The following EPRS1 variants were observed in gnomAD, a reference collection of about 807,000 sequenced individuals.
EPRS1 encodes the protein bifunctional glutamate/proline--tRNA ligase.
In EPRS1, 107 loss-of-function variants were observed where a neutral mutation model predicts 188.3. The observed-to-expected ratio is 0.57, with a 90% CI of 0.49 to 0.67. The LOEUF is 0.67. Ranked by LOEUF, EPRS1 falls within the 30% of genes least tolerant of loss-of-function variation. The pLI is 0.00. For synonymous variants in EPRS1, 596 were observed against 593.1 expected, an observed-to-expected ratio of 1.00 and a Z score of -0.07; for missense variants, 1,577 against 1,802.2, an observed-to-expected ratio of 0.88 and a Z score of 2.26.
chr1:220,042,838 A>G (rs1485641046), intron 1 of EPRS1, among the ~76,000 whole-genome samples: 4 of 151,886 alleles, frequency 2.6e-5, no homozygotes, highest in African/African-American at 9.7e-5. Context: ...GGAGGATCAC[A>G]TGAAACTGGG....
Position 219,988,790 on chromosome 1 carries a change from A to T in EPRS1, c.2575T>A (p.Ser859Thr), listed in dbSNP as rs141685068. Residue 859 changes from serine to threonine, a missense_variant, in exon 19 of 32, where the codon TCC becomes ACC. Physicochemically the swap from Ser to Thr is moderately conservative, Grantham distance 58. Coordinates refer to ENST00000366923, the MANE Select transcript of EPRS1 (RefSeq NM_004446.3). Reference sequence around the variant, plus strand: ...TTTTCTTTATACTGAGCCTTCAGGGACAGTAAGCATTCTACAGCTTCATTT... The same window carrying T: ...TTTTCTTTATACTGAGCCTTCAGGGTCAGTAAGCATTCTACAGCTTCATTT... ...KINEAVECLL[S>T]LKAQYKEKTG... The T allele has an allele frequency of 1.9e-4, 305 of 1,610,386 alleles. 1 individual carries two copies. In the African/African-American group the frequency reaches 3.4e-3, roughly 18 times the overall value.
chr1:219,986,574 T>C (rs1661009972), intron 20 of EPRS1, among the ~76,000 whole-genome samples: 1 of 152,178 alleles, frequency 6.6e-6, no homozygotes, highest in South Asian at 2.1e-4. Flanking sequence ...TTTATACAGA[T>C]TGGAAGATCC....
chr1:220,038,561 T>C (rs561729005), intron 2 of EPRS1, among the ~76,000 whole-genome samples: 90 of 151,570 alleles, frequency 5.9e-4, no homozygotes, highest in African/African-American at 2.0e-3. Context: ...CTTTTTTTTG[T>C]AGAGACAGGA....
intron 19 of EPRS1, 65 bp downstream of exon 19, chr1:219,988,525 T>C: frequency 1.8e-6 from 2 of 1,093,688 alleles, no homozygotes; most frequent in South Asian, 1.4e-5. Context: ...CACAAAACAC[T>C]TGAGGCAAAG....
At chr1:220,038,177 G>C (rs1256270245) in intron 2 of EPRS1, among the ~76,000 whole-genome samples, 1 of 151,424 alleles carries the variant, frequency 6.6e-6, no homozygotes. Context: ...CCACCTCCCG[G>C]GTTCAAGCGA....
Position 220,030,380 on chromosome 1 carries a change from T to A in EPRS1, c.623+6A>T, listed in dbSNP as rs376359550. On this transcript the variant is annotated splice_donor_region_variant and intron_variant, in intron 6 of 31. Coordinates refer to ENST00000366923, the MANE Select transcript of EPRS1 (RefSeq NM_004446.3). ...TCAATTATAAATGTGAGTTACATTTTCTTACCCACTGGCCTCTGGAGGAAA... is the reference window on the plus strand; with the variant it reads ...TCAATTATAAATGTGAGTTACATTTACTTACCCACTGGCCTCTGGAGGAAA... 4.1e-5 allele frequency: 65 copies of A among 1,595,128 alleles called. No homozygotes were observed. The highest frequency in any genetic ancestry group is 5.6e-5 in the Non-Finnish European group (65 of 1,162,910).
At chr1:219,990,206 T>C (rs1027265752) in intron 18 of EPRS1, among the ~76,000 whole-genome samples, 2 of 151,980 alleles carry the variant, frequency 1.3e-5, no homozygotes, top group African/African-American at 2.4e-5. Context: ...AACCACTCTG[T>C]TATTCAATGA....
At chr1:219,996,906 TA>T (rs1661245619) in intron 18 of EPRS1, 76 bp downstream of exon 18, 4 of 1,403,412 alleles carry the variant, frequency 2.9e-6, no homozygotes, top group African/African-American at 2.9e-5. Context: ...CGATGTTTTA[TA>T]AGAAGATGAG....
chr1:220,003,930 G>A (rs568242100), intron 16 of EPRS1, among the ~76,000 whole-genome samples: 1 of 152,218 alleles, frequency 6.6e-6, no homozygotes, highest in African/African-American at 2.4e-5. Context: ...GAAGGGATCA[G>A]GGCGAGAAAA....
At chr1:220,021,690 T>C (rs930710090) in intron 9 of EPRS1, among the ~76,000 whole-genome samples, 2 of 152,244 alleles carry the variant, frequency 1.3e-5, no homozygotes, top group Admixed American at 6.5e-5. Context: ...TGTATTTGTC[T>C]ATATATGGAC....
At chr1:220,042,439 G>A (rs537767347) in intron 1 of EPRS1, among the ~76,000 whole-genome samples, 1 of 149,004 alleles carries the variant, frequency 6.7e-6, no homozygotes, top group Admixed American at 6.7e-5. Context: ...AGCCAAGATC[G>A]TACCACTGCA....
chr1:220,035,625 T>C (rs1422197497), intron 2 of EPRS1, among the ~76,000 whole-genome samples: 7 of 151,832 alleles, frequency 4.6e-5, no homozygotes, highest in Non-Finnish European at 1.0e-4. Context: ...GGTCAGGAGT[T>C]TGAGACCAGC....
chr1:220,025,951 T>C (rs1661964293), intron 6 of EPRS1, among the ~76,000 whole-genome samples: 2 of 152,090 alleles, frequency 1.3e-5, no homozygotes, highest in African/African-American at 2.4e-5. Context: ...CGCGCCACCA[T>C]GCCCAGCTAA....
chr1:220,035,857 A>G lies in EPRS1; in HGVS notation c.132-844T>C, dbSNP rs796084076. Among the ~76,000 whole-genome samples the G allele has an allele frequency of 2.0e-3, 298 of 152,278 alleles. 2 individuals are homozygous for G. Among genetic ancestry groups the G allele is most frequent in the African/African-American group, 7.0e-3 (289 of 41,560 alleles). On this transcript the variant is annotated intron_variant, in intron 2 of 31. Transcript: ENST00000366923. Reference sequence around the variant, plus strand: ...AAAATAAATCAAGGCAAAGGAGCCAAGAATCTATTGCTAATAAAGAGGCTA... The same window carrying G: ...AAAATAAATCAAGGCAAAGGAGCCAGGAATCTATTGCTAATAAAGAGGCTA...
intron 18 of EPRS1, among the ~76,000 whole-genome samples, chr1:219,989,500 G>A (rs1484892759): frequency 6.6e-6 from 1 of 151,698 alleles, no homozygotes; most frequent in Middle Eastern, 3.2e-3. Flanking sequence ...ACAAACCAGT[G>A]TACCACTGGG....
At chr1:220,040,085 A>C (rs938901596) in intron 2 of EPRS1, 100 bp downstream of exon 2, 5 of 752,014 alleles carry the variant, frequency 6.6e-6, no homozygotes, top group Non-Finnish European at 1.1e-5. Flanking sequence ...AGCTATGATC[A>C]TGCCAGCCTG....
chr1:219,981,847 A>G (rs1186974327), intron 23 of EPRS1, among the ~76,000 whole-genome samples: 2 of 152,222 alleles, frequency 1.3e-5, no homozygotes, highest in African/African-American at 4.8e-5. Flanking sequence ...ACAAGAAGGT[A>G]TCATAACTCA....
chr1:219,993,321 C>T (rs1661160345), intron 18 of EPRS1, among the ~76,000 whole-genome samples: 1 of 152,094 alleles, frequency 6.6e-6, no homozygotes. Flanking sequence ...TGTTATGCAC[C>T]TCACACTACA....
At chr1:220,018,575 T>C (rs370287502) in intron 11 of EPRS1, 67 bp from the exon 12 acceptor site, 104 of 929,092 alleles carry the variant, frequency 1.1e-4, no homozygotes, top group Non-Finnish European at 1.7e-4. Flanking sequence ...CTTTATTTCA[T>C]GCTAAGCATG....
Sources: allele counts gnomAD v4.1 joint callset (sites outside exome capture counted in the v4.1 genomes callset), GRCh38; gene constraint gnomAD v4.1.1; transcripts MANE v1.5; gene names NCBI Gene and HGNC (gene_info 2026-07-23, HGNC 2026-07-21).